RBM47: variants seen among roughly 807,000 people sequenced by gnomAD.
The protein encoded by RBM47 is RNA binding motif protein 47.
Under a neutral mutation model 47.1 loss-of-function variants are expected in RBM47, and 21 were observed. That is an observed-to-expected ratio of 0.45 (90% CI 0.32 to 0.64). The LOEUF (loss-of-function observed/expected upper bound fraction) is 0.64, where lower values mean the gene tolerates loss of function less well. Ranked by LOEUF, RBM47 falls within the 30% of genes least tolerant of loss-of-function variation. The pLI, the probability that RBM47 is intolerant of heterozygous loss-of-function variation, is 0.05. For missense variants in RBM47, 708 were observed against 870.9 expected (o/e 0.81, Z 2.35); for synonymous variants, 375 against 361.7 (o/e 1.04, Z -0.42).
At chr4:40,453,072 C>T (rs1343542997) in intron 3 of RBM47, among the ~76,000 whole-genome samples, 1 of 152,092 alleles carries the variant, frequency 6.6e-6, no homozygotes, top group Non-Finnish European at 1.5e-5. Flanking sequence ...AGCTCCTGAC[C>T]TTGTGATCTG....
intron 1 of RBM47, among the ~76,000 whole-genome samples, chr4:40,621,065 A>C (rs1427887285): frequency 6.6e-6 from 1 of 152,026 alleles, no homozygotes; most frequent in Non-Finnish European, 1.5e-5. Context: ...CATGACTGAC[A>C]ATAGTCAGAA....
chr4:40,530,381 G>A (rs1040857204), intron 2 of RBM47, among the ~76,000 whole-genome samples: 3 of 152,040 alleles, frequency 2.0e-5, no homozygotes, highest in Non-Finnish European at 1.5e-5. Flanking sequence ...TTAGCTCACT[G>A]CAACCTCCAC....
intron 1 of RBM47, among the ~76,000 whole-genome samples, chr4:40,576,291 C>T (rs1218674983): frequency 6.7e-6 from 1 of 149,626 alleles, no homozygotes; most frequent in Middle Eastern, 3.5e-3. Flanking sequence ...CCCCTGTCAC[C>T]CACAATCATA....
intron 3 of RBM47, among the ~76,000 whole-genome samples, chr4:40,456,578 T>TC (rs1287920523): frequency 1.4e-5 from 2 of 145,052 alleles, no homozygotes; most frequent in Admixed American, 6.9e-5. Flanking sequence ...TTTCTTTTTT[T>TC]TTTTTTTTTG....
At chr4:40,467,586 C>T (rs1003245082) in intron 2 of RBM47, among the ~76,000 whole-genome samples, 22 of 151,836 alleles carry the variant, frequency 1.4e-4, no homozygotes, top group African/African-American at 5.3e-4. Flanking sequence ...CCACTGTACT[C>T]GGCAGAGTCA....
intron 1 of RBM47, among the ~76,000 whole-genome samples, chr4:40,571,657 G>A (rs1370877951): frequency 6.6e-6 from 1 of 151,956 alleles, no homozygotes; most frequent in Non-Finnish European, 1.5e-5. Context: ...CGGGATAAAA[G>A]ACTACACTTT....
At chr4:40,510,872 G>A (rs141752885) in intron 2 of RBM47, among the ~76,000 whole-genome samples, 44 of 152,256 alleles carry the variant, frequency 2.9e-4, no homozygotes, top group African/African-American at 1.0e-3. Flanking sequence ...AGGGGTTTGA[G>A]ACCAGACTGG....
rs10581870 is a variant in RBM47 at position 40,443,717 on chromosome 4, CAAAAAAAAAAAAAAAAAAA to C, written c.-31-4812_-31-4794del. On this transcript the variant is annotated intron_variant, in intron 3 of 6. Coordinates refer to ENST00000295971, the MANE Select transcript of RBM47 (RefSeq NM_001098634.2). ...GGGCAACAAGAGTGAAACTCCTTCT[CAAAAAAAAAAAAAAAAAAA>C]AAAAAAAAAAAAAAAAGGTACACTG... Among the ~76,000 whole-genome samples the C allele has an allele frequency of 3.6e-4, 17 of 47,746 alleles. No homozygotes were observed. In the South Asian group the frequency reaches 5.4e-3, roughly 15 times the overall value. 31.3% of individuals were successfully genotyped at this position (47,746 alleles called of 152,430 possible).
At chr4:40,536,547 T>C (rs1727999243) in intron 2 of RBM47, among the ~76,000 whole-genome samples, 6 of 152,220 alleles carry the variant, frequency 3.9e-5, no homozygotes, top group Admixed American at 3.9e-4. Context: ...ATACACTTTG[T>C]TGATGCCCAC....
At chr4:40,582,652 T>C (rs1578009258) in intron 1 of RBM47, among the ~76,000 whole-genome samples, 1 of 152,204 alleles carries the variant, frequency 6.6e-6, no homozygotes, top group African/African-American at 2.4e-5. Flanking sequence ...CATCCTTCCG[T>C]ACTATGACCC....
At chr4:40,594,360 T>A (rs1560494473) in intron 1 of RBM47, among the ~76,000 whole-genome samples, 1 of 152,134 alleles carries the variant, frequency 6.6e-6, no homozygotes, top group Non-Finnish European at 1.5e-5. Flanking sequence ...AGATAGCAAA[T>A]CTGCAAGGAG....
intron 2 of RBM47, among the ~76,000 whole-genome samples, chr4:40,470,626 T>C (rs1185322632): frequency 1.3e-5 from 2 of 152,232 alleles, no homozygotes; most frequent in South Asian, 2.1e-4. Context: ...TCCAGTCTAA[T>C]ATCAAGTCAT....
chr4:40,524,720 A>G (rs1726532139), intron 2 of RBM47, among the ~76,000 whole-genome samples: 1 of 152,194 alleles, frequency 6.6e-6, no homozygotes, highest in South Asian at 2.1e-4. Context: ...TCCTGGGCTC[A>G]AGCAATCCTC....
intron 2 of RBM47, among the ~76,000 whole-genome samples, chr4:40,498,507 G>A (rs534450467): frequency 2.6e-5 from 4 of 151,834 alleles, no homozygotes; most frequent in East Asian, 1.9e-4. Flanking sequence ...GGGGAAACCC[G>A]TCTCTACTAA....
chr4:40,566,483 A>G (rs1731117408), intron 1 of RBM47, among the ~76,000 whole-genome samples: 1 of 151,898 alleles, frequency 6.6e-6, no homozygotes, highest in South Asian at 2.1e-4. Flanking sequence ...CGTCTCTACT[A>G]AAAATACAAA....
chr4:40,571,019 C>A (rs1731652601), intron 1 of RBM47, among the ~76,000 whole-genome samples: 1 of 151,982 alleles, frequency 6.6e-6, no homozygotes, highest in Non-Finnish European at 1.5e-5. Flanking sequence ...AGTTCCAGAC[C>A]AGCCTGGCCA....
At chr4:40,470,924 G>GC (rs1267057562) in intron 2 of RBM47, among the ~76,000 whole-genome samples, 7 of 152,074 alleles carry the variant, frequency 4.6e-5, no homozygotes, top group Non-Finnish European at 7.3e-5. Context: ...TGTATTTTTA[G>GC]TAGAGGCAGG....
intron 3 of RBM47, among the ~76,000 whole-genome samples, chr4:40,442,561 T>C (rs1713823878): frequency 6.6e-6 from 1 of 152,208 alleles, no homozygotes; most frequent in Non-Finnish European, 1.5e-5. Context: ...TGTATAATGA[T>C]GTTCACAGCA....
At chr4:40,548,221 C>A (rs1044030975) in intron 1 of RBM47, among the ~76,000 whole-genome samples, 9 of 152,170 alleles carry the variant, frequency 5.9e-5, no homozygotes, top group Non-Finnish European at 1.0e-4. Context: ...GCAGACACAT[C>A]TGAAAGACAA....
Sources: gnomAD v4.1 joint callset for allele counts (sites outside exome capture counted in the v4.1 genomes callset) on GRCh38, gnomAD v4.1.1 for gene constraint, MANE v1.5 for transcripts, NCBI Gene and HGNC (gene_info 2026-07-23, HGNC 2026-07-21) for gene names.